PRSS23: variants seen among roughly 807,000 people sequenced by gnomAD.
PRSS23 encodes protease, serine 23.
In PRSS23, 25 loss-of-function variants were observed where a neutral mutation model predicts 34.7. The observed-to-expected ratio is 0.72, with a 90% confidence interval of 0.53 to 1.01. The LOEUF (loss-of-function observed/expected upper bound fraction) is 1.01, where lower values mean the gene tolerates loss of function less well. PRSS23 is among the 50% of genes least tolerant of loss of function. PRSS23 has a pLI of 0.00. For synonymous variants in PRSS23, 176 were observed against 186.6 expected, an observed-to-expected ratio of 0.94 and a Z score of 0.46; for missense variants, 445 against 475.6, an observed-to-expected ratio of 0.94 and a Z score of 0.60.
chr11:86,848,030 A>G, intron 2 of PRSS23, among the ~76,000 whole-genome samples: 1 of 152,196 alleles, frequency 6.6e-6, no homozygotes, highest in East Asian at 1.9e-4. Context: ...AGAGAACGTA[A>G]ACTCCGAGAG....
chr11:86,811,877 A>G (rs1044419491), downstream of PRSS23, among the ~76,000 whole-genome samples: 1 of 152,184 alleles, frequency 6.6e-6, no homozygotes, highest in African/African-American at 2.4e-5. Context: ...AATGGCAGCC[A>G]TCCAGTGAGT....
chr11:86,823,684 G>A, intron 2 of PRSS23: 1 of 676,750 alleles, frequency 1.5e-6, no homozygotes, highest in Non-Finnish European at 2.7e-6. Flanking sequence ...TTTTAACGGA[G>A]CAAAGCAATG....
At chr11:86,910,601 G>A (rs1380270423) in intron 2 of PRSS23, 2 of 152,158 alleles carry the variant, frequency 1.3e-5, no homozygotes, top group East Asian at 3.8e-4. Context: ...TCTAAAGTAT[G>A]TAGAATGAGC....
At chr11:86,905,403 A>G (rs1175610184) in intron 2 of PRSS23, among the ~76,000 whole-genome samples, 2 of 152,216 alleles carry the variant, frequency 1.3e-5, no homozygotes, top group Non-Finnish European at 2.9e-5. Context: ...TTCCTACGGC[A>G]CATCATTGAT....
intron 2 of PRSS23, chr11:86,933,202 A>C (rs10792888): frequency 0.62 from 95,013 of 152,044 alleles, 30,190 homozygotes; most frequent in Non-Finnish European, 0.69. Context: ...TTTGGACTGG[A>C]CTTCTGACTC....
chr11:86,838,221 T>A (rs981708218), intron 2 of PRSS23, among the ~76,000 whole-genome samples: 1 of 151,968 alleles, frequency 6.6e-6, no homozygotes, highest in Non-Finnish European at 1.5e-5. Flanking sequence ...CACCAGCACA[T>A]CCATCACCAC....
chr11:86,825,491 C>T (rs1488073370), intron 2 of PRSS23, among the ~76,000 whole-genome samples: 5 of 152,108 alleles, frequency 3.3e-5, no homozygotes, highest in Non-Finnish European at 7.4e-5. Context: ...TTAATTAGAT[C>T]CCATTTGTCA....
At chr11:86,913,265 G>T (rs1450910180) in intron 2 of PRSS23, among the ~76,000 whole-genome samples, 1 of 111,766 alleles carries the variant, frequency 8.9e-6, no homozygotes, top group Non-Finnish European at 1.9e-5. Context: ...ACTGGGGTCT[G>T]CCCTCAGGCA....
chr11:86,801,117 C>T (rs562115434), intron 1 of PRSS23, among the ~76,000 whole-genome samples: 4 of 152,138 alleles, frequency 2.6e-5, no homozygotes, highest in South Asian at 4.1e-4. Context: ...TGTGAACACA[C>T]CTAAGCAAGC....
At chr11:86,905,710 G>A (rs1207960194) in intron 2 of PRSS23, among the ~76,000 whole-genome samples, 1 of 152,164 alleles carries the variant, frequency 6.6e-6, no homozygotes, top group East Asian at 1.9e-4. Context: ...CATCTGCTGA[G>A]TTTGCTGTCA....
intron 2 of PRSS23, among the ~76,000 whole-genome samples, chr11:86,824,797 A>G (rs1001511490): frequency 6.6e-6 from 1 of 152,038 alleles, no homozygotes; most frequent in African/African-American, 2.4e-5. Context: ...TGTCCCTACA[A>G]AGGACATGAA....
chr11:86,909,670 T>A (rs1227195786), intron 2 of PRSS23: 1 of 152,156 alleles, frequency 6.6e-6, no homozygotes, highest in East Asian at 1.9e-4. Context: ...ATGTCCAGAG[T>A]ACTCCCTGAA....
At chr11:86,904,433 GC>G (rs1221530342) in intron 2 of PRSS23, among the ~76,000 whole-genome samples, 11 of 152,092 alleles carry the variant, frequency 7.2e-5, no homozygotes, top group African/African-American at 2.7e-4. Flanking sequence ...GCTTTCCTTT[GC>G]CTGGAGTACC....
chr11:86,826,228 T>G (rs1474238822), intron 2 of PRSS23, among the ~76,000 whole-genome samples: 2 of 151,658 alleles, frequency 1.3e-5, no homozygotes, highest in African/African-American at 4.9e-5. Flanking sequence ...AGGTATTTTA[T>G]TCTCTTTGAA....
intron 2 of PRSS23, among the ~76,000 whole-genome samples, chr11:86,824,985 G>T (rs1948287739): frequency 6.6e-6 from 1 of 152,054 alleles, no homozygotes; most frequent in African/African-American, 2.4e-5. Flanking sequence ...AGTCCTTTGG[G>T]TACATACCCA....
At position 86,856,371 on chromosome 11, in the gene PRSS23, G is replaced by A. The variant is rs114040507; in HGVS notation, c.206+32778G>A. ...ATGCCCACACAGGTGCAAGTAAATC[G>A]GAATGTCAGGTAATGAGACCCAGGC... On this transcript the variant is annotated intron_variant, in intron 2 of 2. Coordinates refer to the PRSS23 transcript ENST00000533902. Among the ~76,000 whole-genome samples, 704 of 151,138 alleles carry A rather than the reference G, an allele frequency of 4.7e-3. 10 individuals carry two copies. The highest frequency in any genetic ancestry group is 0.017 in the African/African-American group (680 of 41,176).
chr11:86,941,654 T>G (rs1483028090), intron 2 of PRSS23, among the ~76,000 whole-genome samples: 3 of 152,228 alleles, frequency 2.0e-5, no homozygotes, highest in Non-Finnish European at 4.4e-5. Flanking sequence ...CCCTAGCCCA[T>G]TCCAGTGTTC....
At chr11:86,914,188 T>C (rs1948997783) in intron 2 of PRSS23, among the ~76,000 whole-genome samples, 1 of 152,018 alleles carries the variant, frequency 6.6e-6, no homozygotes, top group South Asian at 2.1e-4. Flanking sequence ...ATCGTGCCAC[T>C]ACACTCCAGC....
In PRSS23 at chr11:86,808,801, T is replaced by C; in HGVS notation, c.*6T>C. The C allele has an allele frequency of 1.9e-6, 3 of 1,594,410 alleles. No homozygotes were observed. The highest frequency in any genetic ancestry group is 2.6e-6 in the Non-Finnish European group (3 of 1,169,012). On this transcript the variant is annotated 3_prime_UTR_variant, in exon 2 of 2. Transcript: ENST00000280258. ...TGGATTGTAGGGAGGGGTGACACAG[T>C]GTTCCCTCCTGGCAGCAATTAAGGG...
Sources: allele counts gnomAD v4.1 joint callset (sites outside exome capture counted in the v4.1 genomes callset), GRCh38; gene constraint gnomAD v4.1.1; transcripts MANE v1.5; gene names NCBI Gene and HGNC (gene_info 2026-07-23, HGNC 2026-07-21).